CNTNAP2: variants seen among roughly 807,000 people sequenced by gnomAD.
CNTNAP2 encodes contactin-associated protein-like 2.
Under a neutral mutation model 155.2 loss-of-function variants are expected in CNTNAP2, and 98 were observed. That is an observed-to-expected ratio of 0.63 (90% CI 0.54 to 0.75). CNTNAP2 has a LOEUF of 0.75. Among genes scored for constraint, CNTNAP2 ranks in the 30% least tolerant of loss-of-function variants. The pLI is 0.00. For missense variants in CNTNAP2, 1,727 were observed against 1,688.1 expected, an observed-to-expected ratio of 1.02 and a Z score of -0.40; for synonymous variants, 651 against 631.2, an observed-to-expected ratio of 1.03 and a Z score of -0.47.
chr7:147,452,074 AGCAGAAATGGAC>A (rs1403898501), intron 10 of CNTNAP2, among the ~76,000 whole-genome samples: 1 of 152,242 alleles, frequency 6.6e-6, no homozygotes, highest in Non-Finnish European at 1.5e-5. Context: ...CTGTTATAGC[AGCAGAAATGGAC>A]TAAGATAGTG....
At chr7:147,714,952 A>C (rs1796460456) in intron 13 of CNTNAP2, among the ~76,000 whole-genome samples, 1 of 152,126 alleles carries the variant, frequency 6.6e-6, no homozygotes, top group Admixed American at 6.6e-5. Flanking sequence ...TATTCTTTTA[A>C]GATTTTTTTC....
chr7:146,616,691 CTA>C (rs1362662220), intron 1 of CNTNAP2, among the ~76,000 whole-genome samples: 2 of 152,136 alleles, frequency 1.3e-5, no homozygotes, highest in Non-Finnish European at 2.9e-5. Flanking sequence ...CTGAAAACAC[CTA>C]GTTTCCCAGA....
At chr7:146,892,255 A>G (rs1795793905) in intron 3 of CNTNAP2, among the ~76,000 whole-genome samples, 1 of 152,140 alleles carries the variant, frequency 6.6e-6, no homozygotes, top group African/African-American at 2.4e-5. Flanking sequence ...TCCATAGGTT[A>G]CTGAGACTTT....
chr7:147,028,379 G>C (rs1452597725), intron 3 of CNTNAP2, among the ~76,000 whole-genome samples: 2 of 152,198 alleles, frequency 1.3e-5, no homozygotes, highest in Non-Finnish European at 2.9e-5. Context: ...AGTTGGAAAG[G>C]TGAGTTAGTT....
chr7:147,673,377 T>C (rs1795819809), intron 13 of CNTNAP2, among the ~76,000 whole-genome samples: 1 of 152,192 alleles, frequency 6.6e-6, no homozygotes, highest in South Asian at 2.1e-4. Flanking sequence ...ATTTCATCCT[T>C]GCAACATCCT....
chr7:147,150,107 G>A (rs1801795923), intron 8 of CNTNAP2, among the ~76,000 whole-genome samples: 1 of 152,202 alleles, frequency 6.6e-6, no homozygotes, highest in African/African-American at 2.4e-5. Context: ...GGAGGACAAG[G>A]CAAGTTGTCA....
chr7:146,886,229 A>G (rs1400418084), intron 3 of CNTNAP2, among the ~76,000 whole-genome samples: 1 of 149,068 alleles, frequency 6.7e-6, no homozygotes, highest in Admixed American at 6.8e-5. Flanking sequence ...GATTTTTCTG[A>G]CTCTAAGGTT....
At chr7:146,559,981 T>C (rs1471519721) in intron 1 of CNTNAP2, among the ~76,000 whole-genome samples, 1 of 152,180 alleles carries the variant, frequency 6.6e-6, no homozygotes, top group Non-Finnish European at 1.5e-5. Flanking sequence ...ATTTTAGCCA[T>C]TTTTTCTGTA....
intron 13 of CNTNAP2, among the ~76,000 whole-genome samples, chr7:147,720,520 C>G (rs1248620979): frequency 6.6e-6 from 1 of 152,070 alleles, no homozygotes; most frequent in Non-Finnish European, 1.5e-5. Context: ...TATGGTTAGG[C>G]TTTGTGTCCC....
At chr7:147,396,020 ATATATGAGATATATCCTATATGTGC>A (rs1796807845) in intron 10 of CNTNAP2, among the ~76,000 whole-genome samples, 1 of 148,478 alleles carries the variant, frequency 6.7e-6, no homozygotes, top group Non-Finnish European at 1.5e-5. Context: ...TATATATGCT[ATATATGAGATATATCCTATATGTGC>A]TATATGAGAT....
intron 11 of CNTNAP2, among the ~76,000 whole-genome samples, chr7:147,551,348 A>G (rs1051928042): frequency 1.1e-4 from 16 of 152,176 alleles, no homozygotes; most frequent in African/African-American, 3.6e-4. Context: ...ATGCTTTAAG[A>G]TTCTGGAATA....
chr7:147,818,738 A>G (rs1798316063), intron 13 of CNTNAP2, among the ~76,000 whole-genome samples: 2 of 152,206 alleles, frequency 1.3e-5, no homozygotes, highest in Admixed American at 1.3e-4. Context: ...GTTAATTATA[A>G]TCCTTTTCTT....
At chr7:146,516,557 T>G (rs1340229705) in intron 1 of CNTNAP2, among the ~76,000 whole-genome samples, 1 of 151,998 alleles carries the variant, frequency 6.6e-6, no homozygotes, top group African/African-American at 2.4e-5. Context: ...GCAAGTGAGT[T>G]CATCATGTCA....
At chr7:147,333,019 TTAAATG>T (rs1315438280) in intron 9 of CNTNAP2, among the ~76,000 whole-genome samples, 8 of 152,186 alleles carry the variant, frequency 5.3e-5, no homozygotes, top group East Asian at 1.9e-4. Flanking sequence ...AAGGGATACA[TTAAATG>T]TGAATGTGCA....
At chr7:148,202,451 C>T (rs149025949) in intron 18 of CNTNAP2, among the ~76,000 whole-genome samples, 54 of 152,234 alleles carry the variant, frequency 3.5e-4, no homozygotes, top group African/African-American at 1.3e-3. Context: ...TGTACGGAGA[C>T]AGAGAAAGCC....
At chr7:146,616,804 G>A (rs567414574) in intron 1 of CNTNAP2, among the ~76,000 whole-genome samples, 144 of 152,172 alleles carry the variant, frequency 9.5e-4, no homozygotes, top group Non-Finnish European at 1.6e-3. Context: ...TCTGTATCGG[G>A]TTTGCTCAAT....
intron 15 of CNTNAP2, among the ~76,000 whole-genome samples, chr7:148,009,653 CT>C (rs1486609092): frequency 6.6e-6 from 1 of 151,946 alleles, no homozygotes; most frequent in Non-Finnish European, 1.5e-5. Flanking sequence ...TGTGTGTGCT[CT>C]GTATGTTTTG....
intron 1 of CNTNAP2, among the ~76,000 whole-genome samples, chr7:146,269,292 A>G (rs1407720379): frequency 6.6e-6 from 1 of 152,138 alleles, no homozygotes; most frequent in Non-Finnish European, 1.5e-5. Flanking sequence ...GTGAGCTGAG[A>G]TGGCGCCACT....
At chr7:148,204,278 T>C (rs1795412428) in intron 18 of CNTNAP2, among the ~76,000 whole-genome samples, 1 of 152,192 alleles carries the variant, frequency 6.6e-6, no homozygotes, top group African/African-American at 2.4e-5. Context: ...CAGTGATGAG[T>C]TGGAATATTT....
Sources: gnomAD v4.1 joint callset for allele counts (sites outside exome capture counted in the v4.1 genomes callset) on GRCh38, gnomAD v4.1.1 for gene constraint, MANE v1.5 for transcripts, NCBI Gene and HGNC (gene_info 2026-07-23, HGNC 2026-07-21) for gene names.